DPP10: variants seen among roughly 807,000 people sequenced by gnomAD.
DPP10 encodes dipeptidyl peptidase like 10.
A neutral mutation model predicts 120.9 loss-of-function variants in DPP10; 33 were observed. The observed-to-expected ratio is 0.27, with a 90% confidence interval of 0.21 to 0.37. The LOEUF (loss-of-function observed/expected upper bound fraction) is 0.37. Ranked by LOEUF, DPP10 falls within the 10% of genes least tolerant of loss-of-function variation. DPP10 has a pLI of 1.00. For missense variants in DPP10, 816 were observed against 942.8 expected (o/e 0.87, Z 1.76); for synonymous variants, 337 against 326.1 (o/e 1.03, Z -0.36).
chr2:114,792,990 TTGTGTGTGTGTGTGTGTG>T (rs55780807), intron 1 of DPP10, among the ~76,000 whole-genome samples: 6 of 143,642 alleles, frequency 4.2e-5, no homozygotes, highest in Admixed American at 1.4e-4. Context: ...AACTGTATTA[TTGTGTGTGTGTGTGTGTG>T]TGTGTGTGTG....
intron 3 of DPP10, among the ~76,000 whole-genome samples, chr2:115,405,701 A>T (rs2068455271): frequency 6.6e-6 from 1 of 152,174 alleles, no homozygotes; most frequent in Non-Finnish European, 1.5e-5. Context: ...CACCATATGG[A>T]TGTGGATATT....
chr2:114,740,993 T>G (rs964109311), intron 1 of DPP10, among the ~76,000 whole-genome samples: 2 of 152,248 alleles, frequency 1.3e-5, no homozygotes, highest in African/African-American at 4.8e-5. Flanking sequence ...TTAAATAGTT[T>G]ATTTCCTGTG....
intron 1 of DPP10, among the ~76,000 whole-genome samples, chr2:115,146,751 G>T (rs1043603634): frequency 3.9e-5 from 6 of 152,000 alleles, no homozygotes; most frequent in African/African-American, 1.4e-4. Context: ...GAGGTGATTA[G>T]GTCATAAAGG....
intron 1 of DPP10, among the ~76,000 whole-genome samples, chr2:114,575,569 G>A (rs1475238835): frequency 2.0e-5 from 3 of 152,098 alleles, no homozygotes; most frequent in Non-Finnish European, 4.4e-5. Flanking sequence ...CATTATATTA[G>A]GTAAAGATTG....
intron 3 of DPP10, among the ~76,000 whole-genome samples, chr2:115,489,533 T>TAATTAAAAACAAATAA (rs1182029871): frequency 6.6e-6 from 1 of 151,070 alleles, no homozygotes; most frequent in Non-Finnish European, 1.5e-5. Flanking sequence ...CCTTTGTGGC[T>TAATTAAAAACAAATAA]AATTAAAAAC....
intron 1 of DPP10, among the ~76,000 whole-genome samples, chr2:115,005,011 C>G (rs982479201): frequency 5.1e-4 from 78 of 152,168 alleles, no homozygotes; most frequent in Admixed American, 1.3e-3. Context: ...CAGTAGGCAG[C>G]TGGAGATCTG....
intron 5 of DPP10, among the ~76,000 whole-genome samples, chr2:115,557,512 C>T (rs1245130102): frequency 6.6e-6 from 1 of 152,192 alleles, no homozygotes; most frequent in Non-Finnish European, 1.5e-5. Flanking sequence ...TGTTCAGAGT[C>T]TTTTCTATTG....
intron 15 of DPP10, among the ~76,000 whole-genome samples, chr2:115,778,205 A>G (rs1682351614): frequency 1.3e-5 from 2 of 152,144 alleles, no homozygotes; most frequent in South Asian, 4.1e-4. Context: ...AATGTGGCAC[A>G]GGTGAAATTT....
At chr2:114,917,058 A>G (rs771892343) in intron 1 of DPP10, among the ~76,000 whole-genome samples, 1 of 152,238 alleles carries the variant, frequency 6.6e-6, no homozygotes, top group Non-Finnish European at 1.5e-5. Flanking sequence ...ATGATTCTAT[A>G]CTTACTAATT....
intron 1 of DPP10, among the ~76,000 whole-genome samples, chr2:115,234,149 A>G (rs2057879959): frequency 6.6e-6 from 1 of 152,160 alleles, no homozygotes; most frequent in African/African-American, 2.4e-5. Flanking sequence ...TTTTTTCTGC[A>G]GCCCACACTT....
chr2:114,448,081 A>G (rs1678040059), intron 1 of DPP10, among the ~76,000 whole-genome samples: 1 of 152,196 alleles, frequency 6.6e-6, no homozygotes, highest in South Asian at 2.1e-4. Flanking sequence ...CTATAAATTC[A>G]GCTGTTTTTA....
chr2:114,665,159 A>G (rs936327271), intron 1 of DPP10, among the ~76,000 whole-genome samples: 5 of 152,238 alleles, frequency 3.3e-5, no homozygotes, highest in Admixed American at 3.3e-4. Flanking sequence ...GCTGAAAAGT[A>G]TATTTGAATG....
chr2:115,402,079 C>T (rs1192551891), intron 3 of DPP10, among the ~76,000 whole-genome samples: 2 of 152,112 alleles, frequency 1.3e-5, no homozygotes, highest in East Asian at 1.9e-4. Context: ...TTCCCTTGGA[C>T]CCTTGGACTT....
At chr2:115,192,066 C>A (rs2105233605) in intron 1 of DPP10, among the ~76,000 whole-genome samples, 1 of 152,260 alleles carries the variant, frequency 6.6e-6, no homozygotes, top group African/African-American at 2.4e-5. Context: ...AGGTGGGTGC[C>A]AGGGATTATG....
At chr2:114,799,453 G>A (rs1684004195) in intron 1 of DPP10, among the ~76,000 whole-genome samples, 3 of 152,192 alleles carry the variant, frequency 2.0e-5, no homozygotes, top group Admixed American at 1.3e-4. Flanking sequence ...TAAACAGACA[G>A]TAAAGATACA....
chr2:114,639,032 A>G (rs1161372893), intron 1 of DPP10, among the ~76,000 whole-genome samples: 1 of 151,908 alleles, frequency 6.6e-6, no homozygotes, highest in Non-Finnish European at 1.5e-5. Flanking sequence ...TTAGTGTAGG[A>G]ACACAAAACC....
At chr2:114,839,359 T>A (rs1346772344) in intron 1 of DPP10, among the ~76,000 whole-genome samples, 1 of 152,208 alleles carries the variant, frequency 6.6e-6, no homozygotes, top group Non-Finnish European at 1.5e-5. Flanking sequence ...TTAAGAGATT[T>A]CATTCAGCTA....
intron 1 of DPP10, among the ~76,000 whole-genome samples, chr2:114,632,270 T>C (rs1248842729): frequency 6.6e-6 from 1 of 152,126 alleles, no homozygotes; most frequent in Non-Finnish European, 1.5e-5. Flanking sequence ...TCTAATTCTG[T>C]GGTTGGGGAA....
At chr2:115,635,519 A>G (rs1024615510) in intron 5 of DPP10, among the ~76,000 whole-genome samples, 9 of 152,146 alleles carry the variant, frequency 5.9e-5, no homozygotes, top group African/African-American at 2.2e-4. Context: ...GGTCACACCA[A>G]CCACCTACTC....
Sources: allele counts gnomAD v4.1 joint callset (sites outside exome capture counted in the v4.1 genomes callset), GRCh38; gene constraint gnomAD v4.1.1; transcripts MANE v1.5; gene names NCBI Gene and HGNC (gene_info 2026-07-23, HGNC 2026-07-21).